TOX: variants seen among roughly 807,000 people sequenced by gnomAD.
TOX encodes the protein thymocyte selection-associated high mobility group box protein TOX.
TOX carries 11 observed loss-of-function variants against 53.7 expected under a neutral mutation model. The ratio of observed to expected loss-of-function variants is 0.20; its 90% CI spans 0.13 to 0.34. TOX has a LOEUF of 0.34. Among genes scored for constraint, TOX ranks in the 10% least tolerant of loss-of-function variants. The pLI is 1.00. For missense variants in TOX, 570 were observed against 664.6 expected (o/e 0.86, Z 1.56); for synonymous variants, 225 against 245.3 (o/e 0.92, Z 0.77).
intron 3 of TOX, among the ~76,000 whole-genome samples, chr8:58,933,569 G>C (rs1293605145): frequency 6.6e-6 from 1 of 151,330 alleles, no homozygotes; most frequent in Non-Finnish European, 1.5e-5. Flanking sequence ...ACTTTGAAGG[G>C]GGGTGGGGGG....
intron 2 of TOX, among the ~76,000 whole-genome samples, chr8:58,945,174 C>T (rs1050177183): frequency 6.6e-6 from 1 of 152,154 alleles, no homozygotes. Context: ...AGTTCAACTC[C>T]TACCAACCCA....
chr8:59,028,830 C>T (rs1046412571), intron 1 of TOX, among the ~76,000 whole-genome samples: 1 of 152,134 alleles, frequency 6.6e-6, no homozygotes, highest in Non-Finnish European at 1.5e-5. Context: ...GCTGATCTAC[C>T]TAAGTTTGTA....
chr8:58,999,527 C>T (rs939415676), intron 1 of TOX, among the ~76,000 whole-genome samples: 46 of 152,214 alleles, frequency 3.0e-4, no homozygotes, highest in African/African-American at 1.1e-3. Flanking sequence ...AGGTGTGGAA[C>T]TGCTGGGGTC....
chr8:59,105,511 A>G (rs1804885127), intron 1 of TOX, among the ~76,000 whole-genome samples: 1 of 152,188 alleles, frequency 6.6e-6, no homozygotes. Context: ...TTTTAAAGGT[A>G]CAGCAGTGCC....
chr8:59,097,519 A>G (rs1804733265), intron 1 of TOX, among the ~76,000 whole-genome samples: 1 of 152,244 alleles, frequency 6.6e-6, no homozygotes, highest in Non-Finnish European at 1.5e-5. Context: ...ACTGTGGTAC[A>G]GAAAAGAAAT....
At chr8:59,093,416 C>G (rs1354351047) in intron 1 of TOX, among the ~76,000 whole-genome samples, 1 of 152,158 alleles carries the variant, frequency 6.6e-6, no homozygotes, top group East Asian at 1.9e-4. Flanking sequence ...AGTTAACATC[C>G]ACTGAATGAT....
At chr8:58,922,133 T>G (rs982684437) in intron 3 of TOX, among the ~76,000 whole-genome samples, 1 of 151,888 alleles carries the variant, frequency 6.6e-6, no homozygotes, top group Non-Finnish European at 1.5e-5. Context: ...GCTATATAAA[T>G]GTAAGTTAAC....
At chr8:58,860,199 A>G (rs548585290) in intron 3 of TOX, among the ~76,000 whole-genome samples, 1 of 152,236 alleles carries the variant, frequency 6.6e-6, no homozygotes, top group Non-Finnish European at 1.5e-5. Context: ...GTTTCTAATG[A>G]GTTGTCTTAC....
chr8:58,958,197 C>T (rs1389003784), intron 2 of TOX, among the ~76,000 whole-genome samples: 1 of 152,090 alleles, frequency 6.6e-6, no homozygotes, highest in Non-Finnish European at 1.5e-5. Context: ...CTTAGTAACT[C>T]CTGACTGACA....
At chr8:58,837,343 C>T (rs527707044) in intron 5 of TOX, among the ~76,000 whole-genome samples, 59 of 152,292 alleles carry the variant, frequency 3.9e-4, no homozygotes, top group East Asian at 2.3e-3. Flanking sequence ...GTGACCATGG[C>T]CATCTAGTTC....
intron 5 of TOX, among the ~76,000 whole-genome samples, chr8:58,834,377 G>A (rs1009342066): frequency 6.6e-6 from 1 of 152,104 alleles, no homozygotes; most frequent in African/African-American, 2.4e-5. Context: ...ATGCATATTT[G>A]TCCAAAATTT....
At chr8:58,844,649 G>A (rs1027419603) in intron 4 of TOX, among the ~76,000 whole-genome samples, 2 of 151,988 alleles carry the variant, frequency 1.3e-5, no homozygotes, top group African/African-American at 2.4e-5. Flanking sequence ...AGACTTATGA[G>A]GCAAAGAAAA....
intron 1 of TOX, among the ~76,000 whole-genome samples, chr8:58,989,872 G>A (rs1160095195): frequency 6.6e-6 from 1 of 152,090 alleles, no homozygotes; most frequent in African/African-American, 2.4e-5. Flanking sequence ...TGGCAGACTG[G>A]CCCAAAGAAG....
At chr8:58,900,268 C>A (rs1435621593) in intron 3 of TOX, among the ~76,000 whole-genome samples, 20 of 152,020 alleles carry the variant, frequency 1.3e-4, no homozygotes, top group Admixed American at 1.3e-3. Flanking sequence ...CATTCATAAT[C>A]AAAATATTAT....
chr8:58,995,991 G>A (rs566656479), intron 1 of TOX, among the ~76,000 whole-genome samples: 18 of 152,138 alleles, frequency 1.2e-4, no homozygotes, highest in Non-Finnish European at 2.2e-4. Flanking sequence ...TATTCCCTCC[G>A]TTTCCAGGCC....
intron 3 of TOX, among the ~76,000 whole-genome samples, chr8:58,920,721 T>TAAAAAAAAAAAAAAAAAAA (rs5891703): frequency 2.1e-4 from 17 of 81,006 alleles, no homozygotes; most frequent in East Asian, 4.1e-4. Context: ...AAAAAAACAT[T>TAAAAAAAAAAAAAAAAAAA]AAAAAAAAAA....
At chr8:58,957,749 A>T (rs954528426) in intron 2 of TOX, among the ~76,000 whole-genome samples, 4 of 152,240 alleles carry the variant, frequency 2.6e-5, no homozygotes, top group Non-Finnish European at 5.9e-5. Context: ...CTATGAGGCA[A>T]GTTGTCTTGG....
Position 58,851,539 on chromosome 8 carries a change from G to A in TOX, c.678C>T (p.Gly226=), listed in dbSNP as rs531597509. 49 of 1,612,824 alleles carry A rather than the reference G, an allele frequency of 3.0e-5. No homozygotes were observed. Among genetic ancestry groups the A allele is most frequent in the Middle Eastern group, 3.6e-4 (2 of 5,576 alleles). ...TTATTCATACCTTAGAGGTATCATC[G>A]CCTTCATCTTCATGCACTGAACTGG... ...SPSSSVHEDE[G]DDTSKINGGE... is the part of the protein sequence containing the mutation. Residue 226 remains glycine (G), a synonymous_variant, in exon 4 of 9, where the codon GGC becomes GGT. Transcript: ENST00000361421. The surrounding 1 kb of genome is among the most constrained non-coding windows in gnomAD (Gnocchi z 4.4).
At chr8:58,913,095 T>C (rs1379461206) in intron 3 of TOX, among the ~76,000 whole-genome samples, 1 of 152,218 alleles carries the variant, frequency 6.6e-6, no homozygotes, top group African/African-American at 2.4e-5. Context: ...AATGAATGTT[T>C]GGTGAGATTT....
Sources: gnomAD v4.1 joint callset for allele counts (sites outside exome capture counted in the v4.1 genomes callset) on GRCh38, gnomAD v4.1.1 for gene constraint, Gnocchi (gnomAD v3.1) non-coding constraint, MANE v1.5 for transcripts, NCBI Gene and HGNC (gene_info 2026-07-23, HGNC 2026-07-21) for gene names.